TLE4: variants seen among roughly 807,000 people sequenced by gnomAD.
The protein encoded by TLE4 is TLE family member 4, transcriptional corepressor.
Under a neutral mutation model 92.8 loss-of-function variants are expected in TLE4, and 8 were observed. The ratio of observed to expected loss-of-function variants is 0.09; its 90% CI spans 0.05 to 0.16. The LOEUF is 0.16. TLE4 is among the 10% of genes least tolerant of loss of function. The pLI, the probability that TLE4 is intolerant of heterozygous loss-of-function variation, is 1.00. For synonymous variants in TLE4, 371 were observed against 374.1 expected (o/e 0.99, Z 0.10); for missense variants, 675 against 997.6 (o/e 0.68, Z 4.36).
chr9:79,699,747 A>G (rs976431733), intron 8 of TLE4, among the ~76,000 whole-genome samples: 4 of 152,226 alleles, frequency 2.6e-5, no homozygotes, highest in Non-Finnish European at 4.4e-5. Flanking sequence ...ACCTGTGTGA[A>G]TGGAAAGCAA....
At chr9:79,602,485 C>T (rs1392593254) in intron 4 of TLE4, among the ~76,000 whole-genome samples, 1 of 152,160 alleles carries the variant, frequency 6.6e-6, no homozygotes, top group Non-Finnish European at 1.5e-5. Flanking sequence ...CCTAGCGCCT[C>T]TAAGAATTAT....
chr9:79,708,110 C>T lies in TLE4; in HGVS notation c.937-8C>T. 1 of 1,613,358 alleles carries T rather than the reference C, an allele frequency of 6.2e-7. No homozygotes were observed. The highest frequency in any genetic ancestry group is 1.1e-5 in the South Asian group (1 of 91,034). ...TAATTGCTGGTATATGTCATTTCAT[C>T]TTGTTAGAATGAAAAATCTACTACT... is the stretch of plus-strand genomic sequence containing the variant. On this transcript the variant is annotated splice_region_variant and splice_polypyrimidine_tract_variant and intron_variant, in intron 11 of 19. Coordinates refer to ENST00000376552, the MANE Select transcript of TLE4 (RefSeq NM_007005.6).
chr9:79,718,738 G>C lies in TLE4; in HGVS notation c.1357G>C (p.Val453Leu). Residue 453 changes from valine to leucine, a missense_variant, in exon 15 of 20, where the codon GTT (valine) becomes CTT (leucine). Physicochemically the swap from Val to Leu is conservative, Grantham distance 32. Transcript: ENST00000376552. ...PGGKPAYSFH[V>L]SADGQMQPVP... ...TTGCCTTAGAGCATACTCCTTCCAT[G>C]TTAGCGCAGATGGTCAGATGCAGCC... The C allele has an allele frequency of 6.2e-7, 1 of 1,613,858 alleles. No homozygotes were observed. Among genetic ancestry groups the C allele is most frequent in the Non-Finnish European group, 8.5e-7 (1 of 1,179,894 alleles).
intron 14 of TLE4, among the ~76,000 whole-genome samples, chr9:79,716,992 A>G (rs2074627623): frequency 6.6e-6 from 1 of 152,052 alleles, no homozygotes; most frequent in Admixed American, 6.5e-5. Flanking sequence ...TTTCTATTTT[A>G]TTATCTCTGC....
At chr9:79,645,689 T>C (rs930088620) in intron 6 of TLE4, among the ~76,000 whole-genome samples, 1 of 152,242 alleles carries the variant, frequency 6.6e-6, no homozygotes, top group Non-Finnish European at 1.5e-5. Flanking sequence ...TGCCACTTCA[T>C]GGCTGTGTAT....
At chr9:79,611,842 G>A (rs1453061439) in intron 4 of TLE4, among the ~76,000 whole-genome samples, 2 of 149,654 alleles carry the variant, frequency 1.3e-5, no homozygotes, top group Admixed American at 6.7e-5. Context: ...TTAACTTACT[G>A]TAGCATCTTA....
chr9:79,690,712 C>T (rs750151861), intron 8 of TLE4, among the ~76,000 whole-genome samples: 3 of 147,998 alleles, frequency 2.0e-5, no homozygotes, highest in Admixed American at 1.3e-4. Context: ...CTCCCAGGCT[C>T]GAGATCTTCC....
At chr9:79,698,678 A>C (rs72734335) in intron 8 of TLE4, among the ~76,000 whole-genome samples, 6,281 of 152,174 alleles carry the variant, frequency 0.041, 227 homozygotes, top group Non-Finnish European at 0.059. Flanking sequence ...GACACCAGTG[A>C]CTGGCTCAGT....
chr9:79,656,704 T>C (rs2059832608), intron 8 of TLE4, among the ~76,000 whole-genome samples: 1 of 152,204 alleles, frequency 6.6e-6, no homozygotes. Flanking sequence ...TACAAGGTTG[T>C]AGATGGGTTT....
rs73457289 is a variant in TLE4 at position 79,683,927 on chromosome 9, C to T, written c.610-20856C>T. On this transcript the variant is annotated intron_variant, in intron 8 of 19. Coordinates refer to ENST00000376552, the MANE Select transcript of TLE4 (RefSeq NM_007005.6). Reference sequence around the variant, plus strand: ...TGGTGAAGCTGTAATGAACTTATGACGACAGTTTATCATTTATACATATAC... The same window carrying T: ...TGGTGAAGCTGTAATGAACTTATGATGACAGTTTATCATTTATACATATAC... 7.3e-3 allele frequency among the ~76,000 whole-genome samples: 1,109 copies of T among 152,192 alleles called. 9 individuals carry two copies. Among genetic ancestry groups the T allele is most frequent in the African/African-American group, 0.024 (1,013 of 41,524 alleles).
At chr9:79,667,323 C>T (rs958732125) in intron 8 of TLE4, among the ~76,000 whole-genome samples, 4 of 152,148 alleles carry the variant, frequency 2.6e-5, no homozygotes, top group East Asian at 1.9e-4. Flanking sequence ...CCAGGGCCCA[C>T]GTCAGGGGCC....
At chr9:79,658,780 T>C (rs1238768850) in intron 8 of TLE4, among the ~76,000 whole-genome samples, 1 of 152,136 alleles carries the variant, frequency 6.6e-6, no homozygotes, top group Non-Finnish European at 1.5e-5. Flanking sequence ...GTACATATTG[T>C]AAAAAGGCAA....
At chr9:79,706,084 G>A in intron 10 of TLE4, 142 bp downstream of exon 10, 1 of 821,040 alleles carries the variant, frequency 1.2e-6, no homozygotes, top group Non-Finnish European at 2.1e-6. Context: ...TTGTTCTCTT[G>A]CCCTGGCTAG....
At chr9:79,679,728 T>C (rs1481788310) in intron 8 of TLE4, among the ~76,000 whole-genome samples, 3 of 152,180 alleles carry the variant, frequency 2.0e-5, no homozygotes, top group Non-Finnish European at 4.4e-5. Context: ...TAGGTTTTCT[T>C]CTAGGGTTTT....
chr9:79,581,361 A>AGT (rs2039608748), intron 4 of TLE4, among the ~76,000 whole-genome samples: 1 of 152,170 alleles, frequency 6.6e-6, no homozygotes, highest in Non-Finnish European at 1.5e-5. Flanking sequence ...AACCTGTTAC[A>AGT]GTGTGTGTAT....
At chr9:79,596,749 G>A (rs746943775) in intron 4 of TLE4, among the ~76,000 whole-genome samples, 3 of 152,092 alleles carry the variant, frequency 2.0e-5, no homozygotes, top group Admixed American at 6.5e-5. Context: ...GATTTTATTC[G>A]TAAGCCTACC....
intron 6 of TLE4, among the ~76,000 whole-genome samples, chr9:79,651,909 T>C (rs1304570167): frequency 6.6e-6 from 1 of 152,216 alleles, no homozygotes; most frequent in Admixed American, 6.5e-5. Context: ...CTCACGTATA[T>C]GTTTTGATTA....
At chr9:79,645,945 A>T (rs2058040614) in intron 6 of TLE4, among the ~76,000 whole-genome samples, 1 of 152,170 alleles carries the variant, frequency 6.6e-6, no homozygotes, top group South Asian at 2.1e-4. Context: ...GAATTTTGCC[A>T]TGATACATAT....
At chr9:79,680,580 G>A (rs1204568111) in intron 8 of TLE4, among the ~76,000 whole-genome samples, 2 of 152,100 alleles carry the variant, frequency 1.3e-5, no homozygotes, top group African/African-American at 2.4e-5. Flanking sequence ...AAACAGGGAG[G>A]ATTTGACTTC....
Sources: gnomAD v4.1 joint callset for allele counts (sites outside exome capture counted in the v4.1 genomes callset) on GRCh38, gnomAD v4.1.1 for gene constraint, MANE v1.5 for transcripts, NCBI Gene and HGNC (gene_info 2026-07-23, HGNC 2026-07-21) for gene names.